GALNT13: variants seen among roughly 807,000 people sequenced by gnomAD.
GALNT13 encodes the protein UDP-GalNAc:polypeptide N-acetylgalactosaminyltransferase 13.
Under a neutral mutation model 64.2 loss-of-function variants are expected in GALNT13, and 28 were observed. The ratio of observed to expected loss-of-function variants is 0.44; its 90% CI spans 0.32 to 0.60. The LOEUF (loss-of-function observed/expected upper bound fraction) is 0.60. GALNT13 is among the 20% of genes least tolerant of loss of function. The probability of loss-of-function intolerance (pLI) is 0.05; values close to 1 mark genes in which losing one functional copy is unlikely to be tolerated. For synonymous variants in GALNT13, 214 were observed against 224.6 expected (o/e 0.95, Z 0.42); for missense variants, 577 against 669.8 (o/e 0.86, Z 1.53).
chr2:153,451,540 G>A, the GALNT13 span, among the ~76,000 whole-genome samples: 2 of 152,240 alleles, frequency 1.3e-5, no homozygotes, highest in Middle Eastern at 3.4e-3. Flanking sequence ...ATTTTAGCAA[G>A]AGAAATTTGC....
intron 4 of GALNT13, among the ~76,000 whole-genome samples, chr2:154,222,018 T>C (rs1281248603): frequency 6.6e-6 from 1 of 152,112 alleles, no homozygotes; most frequent in African/African-American, 2.4e-5. Context: ...TAGGAAAAAC[T>C]TAAAATGCTA....
chr2:153,485,505 C>A, the GALNT13 span, among the ~76,000 whole-genome samples: 21 of 152,238 alleles, frequency 1.4e-4, no homozygotes, highest in South Asian at 3.5e-3. Context: ...ATAGGTTTGC[C>A]GCCACCCAAA....
chr2:153,133,866 G>C, the GALNT13 span, among the ~76,000 whole-genome samples: 3 of 152,150 alleles, frequency 2.0e-5, no homozygotes, highest in Non-Finnish European at 4.4e-5. Flanking sequence ...GCTGTTTTGT[G>C]TTTCTTTTCT....
intron 11 of GALNT13, among the ~76,000 whole-genome samples, chr2:154,411,871 A>G (rs1338640789): frequency 6.6e-6 from 1 of 151,736 alleles, no homozygotes; most frequent in Admixed American, 6.6e-5. Flanking sequence ...CAAGTTACAT[A>G]ATATTTTTGA....
At chr2:153,943,641 C>G (rs983047936) in intron 2 of GALNT13, among the ~76,000 whole-genome samples, 1 of 151,954 alleles carries the variant, frequency 6.6e-6, no homozygotes, top group African/African-American at 2.4e-5. Context: ...ATTACAGGCA[C>G]GTGCCACCAT....
At chr2:153,447,157 A>G in the GALNT13 span, among the ~76,000 whole-genome samples, 1 of 152,232 alleles carries the variant, frequency 6.6e-6, no homozygotes, top group Non-Finnish European at 1.5e-5. Context: ...TAAACATAAA[A>G]TGGCATACAT....
At chr2:154,073,030 G>A (rs1286025032) in intron 3 of GALNT13, among the ~76,000 whole-genome samples, 1 of 151,948 alleles carries the variant, frequency 6.6e-6, no homozygotes. Flanking sequence ...AATAATAATA[G>A]TATGATGGTT....
In GALNT13 at chr2:153,950,587, T is replaced by C. The variant is rs146405264; in HGVS notation, c.142+5948T>C. 6.5e-3 allele frequency among the ~76,000 whole-genome samples: 992 copies of C among 152,042 alleles called. 8 individuals carry two copies. Among genetic ancestry groups the C allele is most frequent in the African/African-American group, 0.022 (919 of 41,494 alleles). On this transcript the variant is annotated intron_variant, in intron 3 of 12. Coordinates refer to ENST00000392825, the MANE Select transcript of GALNT13 (RefSeq NM_052917.4). ...CTTATAGTCATATACCCAAGAAAAT[T>C]TTTCACATAAACAAAATATCCATAG... is the stretch of plus-strand genomic sequence containing the variant.
rs560677644 is a variant in GALNT13, at chr2:154,426,546, G to A, written c.1396-12046G>A. On this transcript the variant is annotated intron_variant, in intron 11 of 12. Coordinates refer to ENST00000392825, the MANE Select transcript of GALNT13 (RefSeq NM_052917.4). Reference sequence around the variant, plus strand: ...ATATGTGTACATTCAAGCATAACTCGTGGGATATATTTTGGAAGGGATTCC... The same window carrying A: ...ATATGTGTACATTCAAGCATAACTCATGGGATATATTTTGGAAGGGATTCC... Among the ~76,000 whole-genome samples the A allele has an allele frequency of 3.3e-5, 5 of 152,194 alleles. No homozygotes were observed. The South Asian group carries it at 8.3e-4, about 25-fold the overall frequency.
chr2:154,304,256 G>A (rs886646050), intron 9 of GALNT13, among the ~76,000 whole-genome samples: 1 of 152,158 alleles, frequency 6.6e-6, no homozygotes, highest in Non-Finnish European at 1.5e-5. Flanking sequence ...ATGCATAGAT[G>A]TATTTCCCTT....
chr2:153,855,880 A>G, the GALNT13 span, among the ~76,000 whole-genome samples: 1 of 152,320 alleles, frequency 6.6e-6, no homozygotes, highest in Non-Finnish European at 1.5e-5. Flanking sequence ...ATCTGATTAA[A>G]TATTTTTAAT....
intron 9 of GALNT13, among the ~76,000 whole-genome samples, chr2:154,311,375 T>C (rs902343489): frequency 3.9e-5 from 6 of 151,984 alleles, no homozygotes; most frequent in Admixed American, 3.9e-4. Context: ...AGGGGAGATA[T>C]CACACATAGG....
chr2:154,363,265 C>G (rs1697179399), intron 9 of GALNT13, among the ~76,000 whole-genome samples: 1 of 152,210 alleles, frequency 6.6e-6, no homozygotes, highest in South Asian at 2.1e-4. Context: ...TCTCTGCCTT[C>G]CCAGTATGGC....
At chr2:154,238,253 A>G (rs1213679728) in intron 4 of GALNT13, among the ~76,000 whole-genome samples, 1 of 152,066 alleles carries the variant, frequency 6.6e-6, no homozygotes, top group Non-Finnish European at 1.5e-5. Context: ...ATGATAAGCA[A>G]TACTATTTAA....
chr2:153,181,030 CTTTTTTTT>C, the GALNT13 span, among the ~76,000 whole-genome samples: 1 of 32,100 alleles, frequency 3.1e-5, no homozygotes, highest in African/African-American at 1.4e-4. Context: ...TTTATTGTTT[CTTTTTTTT>C]TTTTTTTTTT....
intron 3 of GALNT13, among the ~76,000 whole-genome samples, chr2:154,135,881 G>C (rs1407194338): frequency 6.6e-6 from 1 of 152,114 alleles, no homozygotes; most frequent in Non-Finnish European, 1.5e-5. Context: ...TGATAAACTA[G>C]AGCCTTTGGA....
chr2:153,423,544 T>C, the GALNT13 span: 2 of 151,884 alleles, frequency 1.3e-5, no homozygotes, highest in African/African-American at 2.4e-5. Context: ...TAGAAAAATA[T>C]AAAACTGTCA....
the GALNT13 span, among the ~76,000 whole-genome samples, chr2:153,796,742 A>C: frequency 6.6e-6 from 1 of 152,112 alleles, no homozygotes; most frequent in Non-Finnish European, 1.5e-5. Context: ...GTAGCATCTC[A>C]GGAAGGCAAA....
the GALNT13 span, among the ~76,000 whole-genome samples, chr2:153,404,178 T>C: frequency 6.6e-6 from 1 of 152,190 alleles, no homozygotes; most frequent in Non-Finnish European, 1.5e-5. Flanking sequence ...TGGCAAGGTC[T>C]TATAGTTCAG....
Sources: gnomAD v4.1 joint callset for allele counts (sites outside exome capture counted in the v4.1 genomes callset) on GRCh38, gnomAD v4.1.1 for gene constraint, MANE v1.5 for transcripts, NCBI Gene and HGNC (gene_info 2026-07-23, HGNC 2026-07-21) for gene names.